Variants in MYO18B observed in about 807,000 individuals in gnomAD.
MYO18B encodes the protein unconventional myosin-XVIIIb.
Under a neutral mutation model 273.0 loss-of-function variants are expected in MYO18B, and 204 were observed. That is an observed-to-expected ratio of 0.75 (90% CI 0.67 to 0.84). MYO18B has a LOEUF of 0.84. Among genes scored for constraint, MYO18B ranks in the 40% least tolerant of loss-of-function variants. The probability of loss-of-function intolerance (pLI) is 0.00; values close to 1 mark genes in which losing one functional copy is unlikely to be tolerated. For synonymous variants in MYO18B, 1,330 were observed against 1,305.7 expected (o/e 1.02, Z -0.40); for missense variants, 3,212 against 3,287.6 (o/e 0.98, Z 0.56).
chr22:26,042,690 T>C, the MYO18B span, among the ~76,000 whole-genome samples: 1 of 152,210 alleles, frequency 6.6e-6, no homozygotes, highest in African/African-American at 2.4e-5. Context: ...CAGAAATTCA[T>C]TTCACTCCTT....
intron 17 of MYO18B, 36 bp from the exon 18 acceptor site, chr22:25,843,699 A>G (rs986807060): frequency 2.5e-6 from 4 of 1,588,764 alleles, no homozygotes; most frequent in South Asian, 1.1e-5. Context: ...TGTCCTCAAC[A>G]GGCTCCAGCA....
intron 12 of MYO18B, among the ~76,000 whole-genome samples, chr22:25,811,459 GGACA>G (rs1166076744): frequency 6.6e-6 from 1 of 152,186 alleles, no homozygotes; most frequent in Non-Finnish European, 1.5e-5. Flanking sequence ...ATTGAAACCA[GGACA>G]TCGACAGCGG....
chr22:25,872,561 A>G (rs935472478), intron 22 of MYO18B, among the ~76,000 whole-genome samples: 2 of 152,198 alleles, frequency 1.3e-5, no homozygotes, highest in Non-Finnish European at 2.9e-5. Context: ...GATGCATGTA[A>G]TGTTCATGCT....
At chr22:25,979,912 T>A (rs2093132050) in intron 39 of MYO18B, among the ~76,000 whole-genome samples, 1 of 151,972 alleles carries the variant, frequency 6.6e-6, no homozygotes, top group South Asian at 2.1e-4. Flanking sequence ...CATCAGGGAC[T>A]CCAAGAACCA....
chr22:25,889,187 T>C (rs2091588995), intron 25 of MYO18B, among the ~76,000 whole-genome samples: 1 of 151,928 alleles, frequency 6.6e-6, no homozygotes, highest in Admixed American at 6.6e-5. Context: ...ATTTTTTTTA[T>C]GTCAGAACAT....
chr22:25,761,745 T>TCCTGCCTGCCCCTGCC (rs1309821118), intron 2 of MYO18B, among the ~76,000 whole-genome samples: 4 of 152,124 alleles, frequency 2.6e-5, no homozygotes, highest in African/African-American at 7.2e-5. Flanking sequence ...TCTGGCTGCC[T>TCCTGCCTGCCCCTGCC]CCTGCCTGCC....
chr22:25,869,449 C>CA (rs58609325), intron 22 of MYO18B, among the ~76,000 whole-genome samples: 5,429 of 57,836 alleles, frequency 0.094, 243 homozygotes, highest in East Asian at 0.15. Flanking sequence ...TACTGTGTCT[C>CA]AAAAAAAAAA....
At chr22:26,009,879 A>G (rs1934746769) in intron 42 of MYO18B, among the ~76,000 whole-genome samples, 1 of 152,168 alleles carries the variant, frequency 6.6e-6, no homozygotes, top group Admixed American at 6.5e-5. Context: ...CCCCAAATAC[A>G]GATGAACGTC....
chr22:25,753,537 G>T (rs1352529068), intron 1 of MYO18B, among the ~76,000 whole-genome samples: 1 of 152,182 alleles, frequency 6.6e-6, no homozygotes, highest in Non-Finnish European at 1.5e-5. Flanking sequence ...CTCCTTCCGC[G>T]TTGTGGGGTG....
In MYO18B at chr22:25,908,354, G is replaced by A; in HGVS notation, c.5181G>A (p.Arg1727=). 6.3e-7 allele frequency: 1 copy of A among 1,599,240 alleles called. No individual in the cohort carries two copies. The highest frequency in any genetic ancestry group is 8.5e-7 in the Non-Finnish European group (1 of 1,173,186). Residue 1727 remains arginine, a synonymous_variant, in exon 32 of 44, where the codon CGG becomes CGA. Coordinates refer to ENST00000335473, the MANE Select transcript of MYO18B (RefSeq NM_032608.7). ...AGCGGTTTGAGCTGGAGATCGAGCGGATGAAGCAGATGCACCAGAAGGACC... is the reference window on the plus strand; with the variant it reads ...AGCGGTTTGAGCTGGAGATCGAGCGAATGAAGCAGATGCACCAGAAGGACC... ...LRQRFELEIE[R]MKQMHQKDRE... is the part of the protein sequence containing the mutation.
In MYO18B at chr22:25,874,341, T is replaced by C; in HGVS notation, c.4007T>C (p.Val1336Ala). The C allele has an allele frequency of 1.2e-6, 2 of 1,613,956 alleles. No homozygotes were observed. The highest frequency in any genetic ancestry group is 1.7e-6 in the Non-Finnish European group (2 of 1,179,874). ...CTTGAGAAGCAGCGAGAGAAGCTGG[T>C]ATCTCAGAGCATCGTTCTCTTCCAG... ...SRLEKQREKL[V>A]SQSIVLFQAA... The change falls in exon 23 of 44, where the codon GTA becomes GCA. Residue 1336 changes from valine to alanine, a missense_variant. Coordinates refer to ENST00000335473, the MANE Select transcript of MYO18B (RefSeq NM_032608.7).
rs139862812 is a variant in MYO18B, at chr22:25,751,873, C to A, written c.-109-9111C>A. Among the ~76,000 whole-genome samples the A allele has an allele frequency of 7.9e-5, 12 of 152,206 alleles. No homozygotes were observed. In the East Asian group the frequency reaches 2.3e-3, roughly 29 times the overall value. On this transcript the variant is annotated intron_variant, in intron 1 of 43. Transcript: ENST00000335473. ...CTGGGGTCTTCAGTCCGGTTTTAAC[C>A]GTGGAGTAAAGGGAAAGTGAAAATC...
chr22:26,029,849 G>A (rs994189423), intron 43 of MYO18B, among the ~76,000 whole-genome samples: 1 of 152,186 alleles, frequency 6.6e-6, no homozygotes, highest in Non-Finnish European at 1.5e-5. Context: ...TAACGCTGTG[G>A]ATTTCATGAG....
chr22:25,773,036 C>T (rs991078605), intron 7 of MYO18B, among the ~76,000 whole-genome samples: 1 of 152,168 alleles, frequency 6.6e-6, no homozygotes, highest in African/African-American at 2.4e-5. Context: ...GAAACAGAAG[C>T]TTCAGTTGTA....
intron 39 of MYO18B, among the ~76,000 whole-genome samples, chr22:25,984,278 C>T (rs1204178117): frequency 6.6e-6 from 1 of 152,154 alleles, no homozygotes; most frequent in Non-Finnish European, 1.5e-5. Flanking sequence ...GTTCCAAAGC[C>T]AGTTCTGTTC....
intron 42 of MYO18B, among the ~76,000 whole-genome samples, chr22:26,018,830 C>T (rs762944881): frequency 5.3e-5 from 8 of 152,102 alleles, no homozygotes; most frequent in Non-Finnish European, 1.2e-4. Context: ...GTGGCGAGCA[C>T]CTGTAATCCC....
intron 13 of MYO18B, among the ~76,000 whole-genome samples, chr22:25,824,900 T>C (rs955230032): frequency 6.8e-6 from 1 of 147,858 alleles, no homozygotes; most frequent in Admixed American, 6.7e-5. Flanking sequence ...TATGCACACA[T>C]GTGCACAGAT....
the MYO18B span, among the ~76,000 whole-genome samples, chr22:26,059,141 G>A: frequency 6.6e-6 from 1 of 152,192 alleles, no homozygotes; most frequent in African/African-American, 2.4e-5. Flanking sequence ...ACTTGGACAA[G>A]GACATTTTCT....
chr22:25,903,301 C>T lies in MYO18B; in HGVS notation c.4948-330C>T, dbSNP rs566389604. The T allele has an allele frequency of 6.3e-4, 177 of 281,280 alleles. 1 individual carries two copies. In the South Asian group the frequency reaches 9.9e-3, roughly 16 times the overall value. The allele number at this position is 281,280 out of a possible 1,614,324, so 17.4% of individuals were successfully genotyped here. A position where few individuals can be genotyped will look rare whatever the true frequency, so the allele number is the denominator to read the frequency against. ...ACATCTCAATCCCAGCCTCAGACGG[C>T]ACACAGGGAAGCTTTAGCTGTGTGC... is the stretch of plus-strand genomic sequence containing the variant. On this transcript the variant is annotated intron_variant, in intron 30 of 43. Coordinates refer to ENST00000335473, the MANE Select transcript of MYO18B (RefSeq NM_032608.7).
Sources: gnomAD v4.1 joint callset for allele counts (sites outside exome capture counted in the v4.1 genomes callset) on GRCh38, gnomAD v4.1.1 for gene constraint, MANE v1.5 for transcripts, NCBI Gene and HGNC (gene_info 2026-07-23, HGNC 2026-07-21) for gene names.